The following RASAL2 variants were observed in gnomAD, a reference collection of about 807,000 sequenced individuals.
The protein encoded by RASAL2 is ras GTPase-activating protein nGAP.
A neutral mutation model predicts 128.9 loss-of-function variants in RASAL2; 58 were observed. The ratio of observed to expected loss-of-function variants is 0.45; its 90% CI spans 0.36 to 0.56. RASAL2 has a LOEUF of 0.56. Ranked by LOEUF, RASAL2 falls within the 20% of genes least tolerant of loss-of-function variation. The pLI, the probability that RASAL2 is intolerant of heterozygous loss-of-function variation, is 0.00. For missense variants in RASAL2, 1,360 were observed against 1,601.6 expected, an observed-to-expected ratio of 0.85 and a Z score of 2.57; for synonymous variants, 561 against 580.8, an observed-to-expected ratio of 0.97 and a Z score of 0.49.
chr1:178,304,378 C>A (rs1002497296), intron 3 of RASAL2, among the ~76,000 whole-genome samples: 3 of 152,058 alleles, frequency 2.0e-5, no homozygotes, highest in African/African-American at 7.2e-5. Flanking sequence ...AAAAAATTAG[C>A]CAGGCATGGT....
At chr1:178,314,560 G>A (rs1013481977) in intron 3 of RASAL2, among the ~76,000 whole-genome samples, 11 of 151,618 alleles carry the variant, frequency 7.3e-5, no homozygotes. Flanking sequence ...TCTATTATTT[G>A]GCCTCATGGT....
intron 1 of RASAL2, among the ~76,000 whole-genome samples, chr1:178,262,924 T>C (rs1665767859): frequency 6.6e-6 from 1 of 152,034 alleles, no homozygotes; most frequent in African/African-American, 2.4e-5. Flanking sequence ...TGCTTGTAAC[T>C]GCTTCTCTAG....
At chr1:178,320,081 G>T (rs1460223088) in intron 3 of RASAL2, among the ~76,000 whole-genome samples, 3 of 151,854 alleles carry the variant, frequency 2.0e-5, no homozygotes, top group Non-Finnish European at 4.4e-5. Context: ...CCCCTGCTGG[G>T]GGGTGCCTCC....
At chr1:178,390,414 C>G (rs918524541) in intron 4 of RASAL2, among the ~76,000 whole-genome samples, 5 of 152,140 alleles carry the variant, frequency 3.3e-5, no homozygotes, top group Non-Finnish European at 5.9e-5. Flanking sequence ...GAGTCTCACT[C>G]TGTCATCCAG....
At chr1:178,282,844 G>T (rs986226601) in intron 1 of RASAL2, among the ~76,000 whole-genome samples, 1 of 152,012 alleles carries the variant, frequency 6.6e-6, no homozygotes, top group Non-Finnish European at 1.5e-5. Flanking sequence ...AGTTCCAGCA[G>T]CCCAAATGAG....
At chr1:178,431,345 T>C (rs928280730) in intron 5 of RASAL2, among the ~76,000 whole-genome samples, 17 of 152,062 alleles carry the variant, frequency 1.1e-4, no homozygotes, top group Non-Finnish European at 1.8e-4. Context: ...TGTACAAATG[T>C]CCTCAATCTC....
rs541993753 is a variant in RASAL2, at chr1:178,203,115, T to C, written c.203-80449T>C. ...GTTTGTCCTCACTGGAATAGACACT[T>C]ACTCTGGATAGGGGCTTGCCTATCC... On this transcript the variant is annotated intron_variant, in intron 1 of 17. Coordinates refer to ENST00000367649, the MANE Select transcript of RASAL2 (RefSeq NM_170692.4). Among the ~76,000 whole-genome samples the C allele has an allele frequency of 3.3e-5, 5 of 152,288 alleles. No individual in the cohort carries two copies. The East Asian group carries it at 9.7e-4, about 29-fold the overall frequency.
intron 1 of RASAL2, among the ~76,000 whole-genome samples, chr1:178,248,381 AG>A (rs1037837302): frequency 6.6e-6 from 1 of 152,122 alleles, no homozygotes; most frequent in East Asian, 1.9e-4. Context: ...ATCAGGGACT[AG>A]GATTGCAACC....
chr1:178,362,860 A>C (rs1458501695), intron 3 of RASAL2, among the ~76,000 whole-genome samples: 2 of 152,008 alleles, frequency 1.3e-5, no homozygotes, highest in Non-Finnish European at 2.9e-5. Context: ...TTCAAGGATG[A>C]ATATTTCATT....
intron 1 of RASAL2, among the ~76,000 whole-genome samples, chr1:178,192,851 T>C (rs927316081): frequency 9.2e-5 from 14 of 152,168 alleles, no homozygotes; most frequent in Non-Finnish European, 1.8e-4. Context: ...TACAGAAGTC[T>C]GAAGTCCTAG....
chr1:178,434,643 A>G (rs1308445744), intron 5 of RASAL2, among the ~76,000 whole-genome samples: 1 of 152,076 alleles, frequency 6.6e-6, no homozygotes, highest in Non-Finnish European at 1.5e-5. Flanking sequence ...AGTAGAGACT[A>G]CTGGCTTTAA....
chr1:178,301,659 C>T (rs1295967460), intron 3 of RASAL2, among the ~76,000 whole-genome samples: 2 of 152,058 alleles, frequency 1.3e-5, no homozygotes, highest in African/African-American at 2.4e-5. Flanking sequence ...TCTCAAACTC[C>T]CGACCACTGA....
intron 4 of RASAL2, among the ~76,000 whole-genome samples, chr1:178,417,016 C>T (rs1433721646): frequency 6.1e-5 from 9 of 147,588 alleles, no homozygotes; most frequent in African/African-American, 1.8e-4. Flanking sequence ...TTGGTATTCT[C>T]AGTATTCTCT....
intron 1 of RASAL2, among the ~76,000 whole-genome samples, chr1:178,110,517 G>T (rs1481560810): frequency 7.2e-6 from 1 of 139,186 alleles, no homozygotes; most frequent in Non-Finnish European, 1.5e-5. Context: ...AGCATATATA[G>T]TGTATATATA....
intron 3 of RASAL2, among the ~76,000 whole-genome samples, chr1:178,337,841 C>T (rs756021310): frequency 6.6e-6 from 1 of 151,732 alleles, no homozygotes. Flanking sequence ...AAGCGATTCT[C>T]CTGCCTCAAC....
At chr1:178,383,940 CACAA>C (rs996401473) in intron 3 of RASAL2, among the ~76,000 whole-genome samples, 1 of 152,178 alleles carries the variant, frequency 6.6e-6, no homozygotes, top group Non-Finnish European at 1.5e-5. Flanking sequence ...TGAATGGGTA[CACAA>C]ACAGTTTGGT....
At chr1:178,202,059 C>T (rs1662891559) in intron 1 of RASAL2, among the ~76,000 whole-genome samples, 1 of 152,148 alleles carries the variant, frequency 6.6e-6, no homozygotes, top group South Asian at 2.1e-4. Context: ...ATTTCCGGGA[C>T]CATTGGACAC....
chr1:178,413,929 C>G (rs1674579875), intron 4 of RASAL2, among the ~76,000 whole-genome samples: 1 of 151,998 alleles, frequency 6.6e-6, no homozygotes, highest in Non-Finnish European at 1.5e-5. Flanking sequence ...AATTTCTGAG[C>G]TTGAGGACAC....
intron 1 of RASAL2, among the ~76,000 whole-genome samples, chr1:178,281,206 G>A (rs1571770926): frequency 6.6e-6 from 1 of 151,654 alleles, no homozygotes; most frequent in East Asian, 1.9e-4. Flanking sequence ...TCTATAGGAT[G>A]GCTAATAAAT....
Sources: allele counts gnomAD v4.1 joint callset (sites outside exome capture counted in the v4.1 genomes callset), GRCh38; gene constraint gnomAD v4.1.1; transcripts MANE v1.5; gene names NCBI Gene and HGNC (gene_info 2026-07-23, HGNC 2026-07-21).